Variants in CACNA1C observed in about 807,000 individuals in gnomAD.
CACNA1C encodes the protein voltage-dependent L-type calcium channel subunit alpha-1C.
In CACNA1C, 30 loss-of-function variants were observed where a neutral mutation model predicts 229.0. The ratio of observed to expected loss-of-function variants is 0.13; its 90% confidence interval spans 0.10 to 0.18. The LOEUF (loss-of-function observed/expected upper bound fraction) is 0.18, where lower values mean the gene tolerates loss of function less well. Ranked by LOEUF, CACNA1C falls within the 10% of genes least tolerant of loss-of-function variation. CACNA1C has a pLI of 1.00. For synonymous variants in CACNA1C, 1,114 were observed against 1,132.5 expected (o/e 0.98, Z 0.33); for missense variants, 1,658 against 2,845.0 (o/e 0.58, Z 9.49).
chr12:2,242,097 C>G (rs1451893489), intron 3 of CACNA1C, among the ~76,000 whole-genome samples: 1 of 152,150 alleles, frequency 6.6e-6, no homozygotes, highest in Non-Finnish European at 1.5e-5. Flanking sequence ...CCAGTCAGGC[C>G]GCATCCTCCG....
intron 1 of CACNA1C, among the ~76,000 whole-genome samples, chr12:2,068,900 C>A (rs867358769): frequency 6.6e-6 from 1 of 152,180 alleles, no homozygotes; most frequent in Non-Finnish European, 1.5e-5. Context: ...GAAACTTAGG[C>A]GGAATGCAAT....
In CACNA1C at chr12:2,088,478, G is replaced by A. The variant is rs552903440; in HGVS notation, c.50-26746G>A. On this transcript the variant is annotated intron_variant, in intron 1 of 46. Transcript: ENST00000399655. The stretch of plus-strand genomic sequence containing the variant: ...CTGGTTAGTCCCTCTGTGCCTCAGT[G>A]TTCTCATCTGTGAAGTGGGCGTCAT... Among the ~76,000 whole-genome samples the A allele has an allele frequency of 6.6e-5, 10 of 152,196 alleles. No individual in the cohort carries two copies. The South Asian group carries it at 1.9e-3, about 28-fold the overall frequency.
In CACNA1C at chr12:2,467,132, C is replaced by T. The variant is rs575191011; in HGVS notation, c.757+9426C>T. Among the ~76,000 whole-genome samples the T allele has an allele frequency of 3.7e-4, 57 of 152,230 alleles. No homozygotes were observed. The highest frequency in any genetic ancestry group is 9.1e-4 in the Admixed American group (14 of 15,304). ...CTGGAGGCTGCCTGGTCCCCCTGCCCGCCCATCGGAGATGGTCCCTACAAC... is the reference window on the plus strand; with the variant it reads ...CTGGAGGCTGCCTGGTCCCCCTGCCTGCCCATCGGAGATGGTCCCTACAAC... On this transcript the variant is annotated intron_variant, in intron 5 of 46. Coordinates refer to ENST00000399655, the MANE Select transcript of CACNA1C (RefSeq NM_000719.7). The surrounding 1 kb of genome is among the most constrained non-coding windows in gnomAD (Gnocchi z 4.6).
intron 3 of CACNA1C, among the ~76,000 whole-genome samples, chr12:2,420,638 A>G (rs2098969238): frequency 6.6e-6 from 1 of 152,242 alleles, no homozygotes. Context: ...TCTCTAAGCA[A>G]GGTCTCTGGA....
chr12:2,509,567 A>C (rs2099779017), intron 8 of CACNA1C, among the ~76,000 whole-genome samples: 1 of 152,178 alleles, frequency 6.6e-6, no homozygotes, highest in Admixed American at 6.5e-5. Flanking sequence ...ACTCCTGGCC[A>C]CTAGCACCGT....
chr12:2,474,282 A>G (rs2099609417), intron 5 of CACNA1C, among the ~76,000 whole-genome samples: 1 of 152,204 alleles, frequency 6.6e-6, no homozygotes, highest in Non-Finnish European at 1.5e-5. Context: ...GCAAACAGCC[A>G]GTCCTCAGAA....
chr12:1,983,662 T>C (rs1166177641), intron 1 of CACNA1C, among the ~76,000 whole-genome samples: 1 of 152,106 alleles, frequency 6.6e-6, no homozygotes, highest in Admixed American at 6.5e-5. Flanking sequence ...TCTTGGGGAA[T>C]GTTTCACGTG....
intron 1 of CACNA1C, among the ~76,000 whole-genome samples, chr12:2,078,481 CAGAA>C (rs2064090201): frequency 6.6e-6 from 1 of 152,108 alleles, no homozygotes; most frequent in African/African-American, 2.4e-5. Flanking sequence ...AAGCTGGTCA[CAGAA>C]GGATGAATAC....
intron 1 of CACNA1C, among the ~76,000 whole-genome samples, chr12:2,077,715 C>A (rs1327905510): frequency 6.6e-6 from 1 of 152,092 alleles, no homozygotes; most frequent in Non-Finnish European, 1.5e-5. Context: ...GGAATGGAAC[C>A]CTTGCATAAA....
chr12:2,468,219 A>C (rs1322198268), intron 5 of CACNA1C, among the ~76,000 whole-genome samples: 1 of 152,246 alleles, frequency 6.6e-6, no homozygotes, highest in Non-Finnish European at 1.5e-5. Context: ...GCAGGTAAAA[A>C]GTCCTCATGG....
intron 46 of CACNA1C, 119 bp downstream of exon 46, chr12:2,688,898 C>T (rs894050993): frequency 1.2e-6 from 1 of 821,906 alleles, no homozygotes; most frequent in Non-Finnish European, 1.9e-6. Flanking sequence ...ATATCTGAGC[C>T]CGAAAGACCC....
chr12:2,584,352 A>C, intron 15 of CACNA1C, 151 bp from the exon 16 acceptor site: 2 of 592,726 alleles, frequency 3.4e-6, no homozygotes, highest in Non-Finnish European at 6.2e-6. Flanking sequence ...GAGGGGAGGA[A>C]CACTGTTGGG....
intron 4 of CACNA1C, among the ~76,000 whole-genome samples, chr12:2,454,934 C>T (rs185766620): frequency 6.7e-4 from 102 of 152,330 alleles, no homozygotes; most frequent in African/African-American, 2.3e-3. Context: ...CACTGAACCA[C>T]GACCCACGGC....
At chr12:2,079,452 C>T (rs891463773) in intron 1 of CACNA1C, among the ~76,000 whole-genome samples, 1 of 152,126 alleles carries the variant, frequency 6.6e-6, no homozygotes, top group African/African-American at 2.4e-5. Context: ...GACCTGCTTC[C>T]TGGATGACTG....
Position 2,692,098 on chromosome 12 carries a change from C to T in CACNA1C, c.*899C>T, listed in dbSNP as rs1411851292. ...GTTTGGTTTTCTTGTATTATTTAAA[C>T]GGTTGTGGTTTCCTTTTTCCACGGA... On this transcript the variant is annotated 3_prime_UTR_variant, in exon 47 of 47. Coordinates refer to ENST00000399655, the MANE Select transcript of CACNA1C (RefSeq NM_000719.7). 6.6e-6 allele frequency: 1 copy of T among 152,140 alleles called. No homozygotes were observed. The highest frequency in any genetic ancestry group is 2.4e-5 in the African/African-American group (1 of 41,418). The allele number at this position is 152,140 out of a possible 1,614,324, so 9.4% of individuals were successfully genotyped here. A position where few individuals can be genotyped will look rare whatever the true frequency, so the allele number is the denominator to read the frequency against.
At chr12:2,129,061 C>T (rs1222126358) in intron 3 of CACNA1C, among the ~76,000 whole-genome samples, 1 of 152,212 alleles carries the variant, frequency 6.6e-6, no homozygotes, top group Non-Finnish European at 1.5e-5. Flanking sequence ...CAGCACATCA[C>T]CTTTCCCACT....
intron 3 of CACNA1C, among the ~76,000 whole-genome samples, chr12:2,218,954 G>A (rs1461456982): frequency 6.6e-6 from 1 of 152,150 alleles, no homozygotes; most frequent in Non-Finnish European, 1.5e-5. Context: ...GTTAAGCCAA[G>A]GCATTCGGCA....
chr12:2,503,168 C>T (rs1403028249), intron 7 of CACNA1C, among the ~76,000 whole-genome samples: 2 of 152,306 alleles, frequency 1.3e-5, no homozygotes, highest in African/African-American at 2.4e-5. Context: ...GCCGTCAAAA[C>T]GTGGGTTGCT....
intron 3 of CACNA1C, among the ~76,000 whole-genome samples, chr12:2,363,610 C>G (rs971562969): frequency 2.6e-5 from 4 of 152,190 alleles, no homozygotes; most frequent in African/African-American, 9.7e-5. Flanking sequence ...CTCTCCCCAC[C>G]CTTCCTGCTT....
Sources: gnomAD v4.1 joint callset for allele counts (sites outside exome capture counted in the v4.1 genomes callset) on GRCh38, gnomAD v4.1.1 for gene constraint, Gnocchi (gnomAD v3.1) non-coding constraint, MANE v1.5 for transcripts, NCBI Gene and HGNC (gene_info 2026-07-23, HGNC 2026-07-21) for gene names.